PSMF1: variants seen among roughly 807,000 people sequenced by gnomAD.
The protein encoded by PSMF1 is proteasome inhibitor PI31 subunit.
Under a neutral mutation model 29.3 loss-of-function variants are expected in PSMF1, and 30 were observed. The observed-to-expected ratio is 1.02, with a 90% confidence interval of 0.77 to 1.39. The LOEUF (loss-of-function observed/expected upper bound fraction) is 1.39. PSMF1 is among the 40% of genes most tolerant of loss of function. The pLI is 0.00. For missense variants in PSMF1, 344 were observed against 357.5 expected, an observed-to-expected ratio of 0.96 and a Z score of 0.31; for synonymous variants, 134 against 139.7, an observed-to-expected ratio of 0.96 and a Z score of 0.29.
intron 4 of PSMF1, among the ~76,000 whole-genome samples, chr20:1,149,173 A>G (rs2086493668): frequency 6.6e-6 from 1 of 152,144 alleles, no homozygotes; most frequent in South Asian, 2.1e-4. Flanking sequence ...CAGTTGTTGG[A>G]AAAAAAGAGG....
At chr20:1,158,380 A>G (rs1226826948) in intron 4 of PSMF1, among the ~76,000 whole-genome samples, 1 of 152,134 alleles carries the variant, frequency 6.6e-6, no homozygotes, top group Non-Finnish European at 1.5e-5. Flanking sequence ...GGGTGTTACT[A>G]CTTAGATTTT....
At position 1,169,580 on chromosome 20, in the gene PSMF1, A is replaced by G. The variant is rs1285772477; in HGVS notation, c.*4500A>G. On this transcript the variant is annotated 3_prime_UTR_variant, in exon 7 of 7. Coordinates refer to ENST00000335877, the MANE Select transcript of PSMF1 (RefSeq NM_006814.5). ...ATTCAGCTGCAGTAAACAGAAATTT[A>G]CCTTTTGTAACCAAAAAGGTAATGG... is the stretch of plus-strand genomic sequence containing the variant. Among the ~76,000 whole-genome samples, 1 of 152,116 alleles carries G rather than the reference A, an allele frequency of 6.6e-6. No homozygotes were observed. Among genetic ancestry groups the G allele is most frequent in the East Asian group, 1.9e-4 (1 of 5,164 alleles).
Position 1,170,415 on chromosome 20 carries a change from C to T in PSMF1, c.*5335C>T, listed in dbSNP as rs914972264. On this transcript the variant is annotated 3_prime_UTR_variant, in exon 7 of 7. Transcript: ENST00000335877. ...TTTCGTTGATTTTACCCCCAGTATCCACTCCATTCCTTTGCCCCCATGGGT... is the reference window on the plus strand; with the variant it reads ...TTTCGTTGATTTTACCCCCAGTATCTACTCCATTCCTTTGCCCCCATGGGT... Among the ~76,000 whole-genome samples, 1 of 152,186 alleles carries T rather than the reference C, an allele frequency of 6.6e-6. No homozygotes were observed. The highest frequency in any genetic ancestry group is 2.1e-4 in the South Asian group (1 of 4,828).
intron 3 of PSMF1, among the ~76,000 whole-genome samples, chr20:1,133,569 A>AT (rs1217034678): frequency 5.6e-5 from 3 of 53,300 alleles, no homozygotes; most frequent in Admixed American, 3.9e-4. Flanking sequence ...ATATATATAT[A>AT]TTTTTTTTTT....
chr20:1,116,422 C>A (rs1028954082), upstream of PSMF1, among the ~76,000 whole-genome samples: 6 of 152,188 alleles, frequency 3.9e-5, no homozygotes, highest in Admixed American at 6.5e-5. Flanking sequence ...CTTCCTCAGA[C>A]CTTCTCATCC....
intron 1 of PSMF1, 59 bp from the exon 2 acceptor site, chr20:1,125,439 C>T (rs964884953): frequency 1.3e-6 from 2 of 1,511,910 alleles, no homozygotes; most frequent in Non-Finnish European, 1.8e-6. Context: ...TCGTGAGGTT[C>T]TTTATAGTTC....
At chr20:1,153,520 C>T (rs894594802) in intron 4 of PSMF1, among the ~76,000 whole-genome samples, 4 of 152,016 alleles carry the variant, frequency 2.6e-5, no homozygotes, top group African/African-American at 4.8e-5. Context: ...ATTAGCCCAC[C>T]GAGATAATGT....
chr20:1,135,417 A>G (rs2086294085), intron 4 of PSMF1, 111 bp downstream of exon 4: 1 of 1,180,204 alleles, frequency 8.5e-7, no homozygotes. Context: ...TTTTCAACAA[A>G]ATGATCAGTG....
rs992401732 is a variant in PSMF1, at chr20:1,165,590, C to T, written c.*510C>T. On this transcript the variant is annotated 3_prime_UTR_variant, in exon 7 of 7. Transcript: ENST00000335877. ...TCCTGCCCAGGGCCCATTCTTGCTT[C>T]TCAGGCACCTTCCGTTTATTAATTG... 73 of 994,834 alleles carry T rather than the reference C, an allele frequency of 7.3e-5. No homozygotes were observed. The highest frequency in any genetic ancestry group is 1.1e-4 in the Admixed American group (2 of 17,950). 61.6% of individuals were successfully genotyped at this position (994,834 alleles called of 1,614,324 possible).
intron 4 of PSMF1, among the ~76,000 whole-genome samples, chr20:1,143,266 A>T (rs2086406483): frequency 6.6e-6 from 1 of 152,220 alleles, no homozygotes; most frequent in Admixed American, 6.5e-5. Context: ...TATATAGCTA[A>T]AGTAATCAAG....
chr20:1,133,569 A>ATATATATATATAT, intron 3 of PSMF1, among the ~76,000 whole-genome samples: 44 of 53,290 alleles, frequency 8.3e-4, no homozygotes, highest in African/African-American at 2.0e-3. Flanking sequence ...ATATATATAT[A>ATATATATATATAT]TTTTTTTTTT....
chr20:1,126,432 G>A (rs542414623), intron 2 of PSMF1, among the ~76,000 whole-genome samples: 14 of 152,016 alleles, frequency 9.2e-5, no homozygotes, highest in African/African-American at 3.4e-4. Flanking sequence ...TACCTTATTT[G>A]TTTTAACTAT....
Position 1,165,557 on chromosome 20 carries a change from ACT to A in PSMF1, c.*480_*481del. 2 of 995,184 alleles carry A rather than the reference ACT, an allele frequency of 2.0e-6. No homozygotes were observed. The highest frequency in any genetic ancestry group is 2.4e-6 in the Non-Finnish European group (2 of 835,994). The allele number at this position is 995,184 out of a possible 1,614,324, so 61.6% of individuals were successfully genotyped here. ...GTTTGAGTTTCTGTAGGGCTGAATGACTCTTTTTCCTGCCCAGGGCCCATTCT... is the reference window on the plus strand; with the variant it reads ...GTTTGAGTTTCTGTAGGGCTGAATGACTTTTTCCTGCCCAGGGCCCATTCT... On this transcript the variant is annotated 3_prime_UTR_variant, in exon 7 of 7. Transcript: ENST00000335877.
chr20:1,117,516 G>T (rs1438894128), upstream of PSMF1, among the ~76,000 whole-genome samples: 1 of 152,026 alleles, frequency 6.6e-6, no homozygotes, highest in Admixed American at 6.6e-5. Context: ...GCTAATTTTT[G>T]TATTTTTAGT....
At position 1,165,053 on chromosome 20, in the gene PSMF1, G is replaced by A. The variant is rs1438002190; in HGVS notation, c.789G>A (p.Pro263=). ...GACCTAACCCAGACCATCTCCCCCC[G>A]CCGGGCTACGATGACATGTACCTGT... ...PPGPNPDHLP[P]PGYDDMYL The change falls in exon 7 of 7, where the codon CCG becomes CCA. Residue 263 remains proline (P), a synonymous_variant. Coordinates refer to ENST00000335877, the MANE Select transcript of PSMF1 (RefSeq NM_006814.5). 9.3e-6 allele frequency: 15 copies of A among 1,613,726 alleles called. No homozygotes were observed. Among genetic ancestry groups the A allele is most frequent in the Non-Finnish European group, 1.3e-5 (15 of 1,179,958 alleles).
intron 4 of PSMF1, among the ~76,000 whole-genome samples, chr20:1,161,973 C>T (rs1026665598): frequency 6.6e-6 from 1 of 152,240 alleles, no homozygotes; most frequent in East Asian, 1.9e-4. Flanking sequence ...GGTTTGGTCA[C>T]TTCATGGCTG....
Position 1,170,394 on chromosome 20 carries a change from G to A in PSMF1, c.*5314G>A, listed in dbSNP as rs6040276. Among the ~76,000 whole-genome samples the A allele has an allele frequency of 0.096, 14,674 of 152,086 alleles. 1,052 individuals are homozygous for A. Among genetic ancestry groups the A allele is most frequent in the African/African-American group, 0.2 (8,289 of 41,402 alleles). On this transcript the variant is annotated 3_prime_UTR_variant, in exon 7 of 7. Transcript: ENST00000335877. The stretch of plus-strand genomic sequence containing the variant: ...GCATGAACTCTGATTCGAAGTTTTC[G>A]TTGATTTTACCCCCAGTATCCACTC...
chr20:1,128,306 A>G (rs1260001876), intron 3 of PSMF1, among the ~76,000 whole-genome samples: 1 of 152,158 alleles, frequency 6.6e-6, no homozygotes, highest in African/African-American at 2.4e-5. Flanking sequence ...TTATAAGTTT[A>G]AATTGCCACC....
intron 4 of PSMF1, among the ~76,000 whole-genome samples, chr20:1,149,243 C>T (rs1435730218): frequency 3.3e-5 from 5 of 152,172 alleles, no homozygotes; most frequent in African/African-American, 4.8e-5. Flanking sequence ...ACCAACTTGA[C>T]GAGTAGTAGT....
Sources: gnomAD v4.1 joint callset for allele counts (sites outside exome capture counted in the v4.1 genomes callset) on GRCh38, gnomAD v4.1.1 for gene constraint, MANE v1.5 for transcripts, NCBI Gene and HGNC (gene_info 2026-07-23, HGNC 2026-07-21) for gene names.